Variants in TRMT11 observed in about 807,000 individuals in gnomAD.
The protein encoded by TRMT11 is tRNA methyltransferase 11, also known as tRNA (guanine(10)-N(2))-methyltransferase TRMT11.
In TRMT11, 53 loss-of-function variants were observed where a neutral mutation model predicts 62.8. The observed-to-expected ratio is 0.84, with a 90% CI of 0.68 to 1.06. The LOEUF (loss-of-function observed/expected upper bound fraction) is 1.06. Ranked by LOEUF, TRMT11 falls within the 50% of genes least tolerant of loss-of-function variation. TRMT11 has a pLI of 0.00. For synonymous variants in TRMT11, 188 were observed against 190.3 expected, an observed-to-expected ratio of 0.99 and a Z score of 0.10; for missense variants, 556 against 553.4, an observed-to-expected ratio of 1.00 and a Z score of -0.05.
chr6:126,164,278 AC>A (rs1778233102), intron 21 of TRMT11, among the ~76,000 whole-genome samples: 1 of 152,014 alleles, frequency 6.6e-6, no homozygotes, highest in Admixed American at 6.5e-5. Context: ...ATGTAGTTGC[AC>A]CTGTGTTGAG....
chr6:126,046,396 C>T (rs566636361), intron 16 of TRMT11, among the ~76,000 whole-genome samples: 1 of 152,126 alleles, frequency 6.6e-6, no homozygotes, highest in Non-Finnish European at 1.5e-5. Context: ...ATTGGAATTT[C>T]ATTTATTTGA....
intron 17 of TRMT11, among the ~76,000 whole-genome samples, chr6:126,057,095 G>A (rs899619215): frequency 6.6e-6 from 1 of 152,158 alleles, no homozygotes; most frequent in African/African-American, 2.4e-5. Flanking sequence ...ATTTGCAGAG[G>A]CCCAGTAAAT....
At chr6:126,031,695 A>G (rs1774229836) in intron 12 of TRMT11, among the ~76,000 whole-genome samples, 1 of 152,176 alleles carries the variant, frequency 6.6e-6, no homozygotes, top group Non-Finnish European at 1.5e-5. Context: ...GACCTGGAAG[A>G]CTAAAGAGAG....
intron 17 of TRMT11, among the ~76,000 whole-genome samples, chr6:126,067,158 C>T (rs1776717018): frequency 6.6e-6 from 1 of 151,134 alleles, no homozygotes; most frequent in Admixed American, 6.6e-5. Flanking sequence ...CGAGACTGTG[C>T]CATTGCACTC....
At chr6:125,994,035 G>C (rs1303771967) in intron 2 of TRMT11, among the ~76,000 whole-genome samples, 1 of 152,112 alleles carries the variant, frequency 6.6e-6, no homozygotes, top group African/African-American at 2.4e-5. Context: ...TACATTTTTA[G>C]TCAACAGTTG....
chr6:126,256,316 G>T, the TRMT11 span, among the ~76,000 whole-genome samples: 3 of 152,184 alleles, frequency 2.0e-5, no homozygotes, highest in African/African-American at 4.8e-5. Context: ...AATATGGGAA[G>T]GGAATACACA....
chr6:126,168,191 C>G (rs1241971903), intron 21 of TRMT11, among the ~76,000 whole-genome samples: 1 of 152,192 alleles, frequency 6.6e-6, no homozygotes, highest in Admixed American at 6.5e-5. Context: ...AACTCCTTCT[C>G]TTACACCGGC....
At chr6:126,093,368 C>T (rs1014095764) in intron 17 of TRMT11, among the ~76,000 whole-genome samples, 3 of 151,286 alleles carry the variant, frequency 2.0e-5, no homozygotes, top group Non-Finnish European at 2.9e-5. Flanking sequence ...TCATACTCTC[C>T]GGTTTCTACG....
intron 21 of TRMT11, among the ~76,000 whole-genome samples, chr6:126,170,069 A>G (rs1401958222): frequency 6.6e-6 from 1 of 151,476 alleles, no homozygotes; most frequent in Non-Finnish European, 1.5e-5. Context: ...TTTTCCTTTT[A>G]TTTTAGAACC....
chr6:125,994,032 T>G (rs1791048673), intron 2 of TRMT11, among the ~76,000 whole-genome samples: 1 of 152,234 alleles, frequency 6.6e-6, no homozygotes, highest in Non-Finnish European at 1.5e-5. Flanking sequence ...TTTTACATTT[T>G]TAGTCAACAG....
At chr6:126,185,627 T>C (rs1221965560) in intron 1 of TRMT11, among the ~76,000 whole-genome samples, 1 of 152,192 alleles carries the variant, frequency 6.6e-6, no homozygotes, top group Non-Finnish European at 1.5e-5. Flanking sequence ...GCTGATAAAA[T>C]AAATGAGACC....
intron 17 of TRMT11, among the ~76,000 whole-genome samples, chr6:126,096,802 T>C (rs1777346494): frequency 6.6e-6 from 1 of 152,200 alleles, no homozygotes; most frequent in Non-Finnish European, 1.5e-5. Flanking sequence ...CAGGAATCTG[T>C]CTCTTGCTAA....
chr6:126,082,567 T>G (rs1007987317), intron 17 of TRMT11, among the ~76,000 whole-genome samples: 2 of 152,120 alleles, frequency 1.3e-5, no homozygotes, highest in East Asian at 1.9e-4. Context: ...ATATCCTCTA[T>G]GCTCTAAAAT....
chr6:126,061,207 A>G (rs556280734), intron 17 of TRMT11, among the ~76,000 whole-genome samples: 1 of 152,344 alleles, frequency 6.6e-6, no homozygotes, highest in South Asian at 2.1e-4. Context: ...CAGGCCCCAC[A>G]TCAGACCTAC....
chr6:126,006,510 A>G (rs1026377670), intron 7 of TRMT11, among the ~76,000 whole-genome samples: 1 of 152,022 alleles, frequency 6.6e-6, no homozygotes, highest in African/African-American at 2.4e-5. Flanking sequence ...AGTTGCTAGC[A>G]TAGATCACAT....
chr6:126,204,394 G>T (rs9482730), downstream of TRMT11, among the ~76,000 whole-genome samples: 1 of 152,110 alleles, frequency 6.6e-6, no homozygotes. Flanking sequence ...ATTCTCTGCC[G>T]TTAGGCTATG....
At chr6:126,172,628 A>C (rs1778342922), upstream of TRMT11, among the ~76,000 whole-genome samples, 1 of 152,136 alleles carries the variant, frequency 6.6e-6, no homozygotes, top group Non-Finnish European at 1.5e-5. Flanking sequence ...CACTTTCAAT[A>C]CTGTTAGCGT....
chr6:126,151,855 T>TTTCTTTCTTTCTTTCTTTCC (rs1778053147), intron 21 of TRMT11, among the ~76,000 whole-genome samples: 2 of 139,814 alleles, frequency 1.4e-5, no homozygotes, highest in Admixed American at 7.2e-5. Flanking sequence ...TCTTTCTTTC[T>TTTCTTTCTTTCTTTCTTTCC]TTCTTTCTTT....
the TRMT11 span, among the ~76,000 whole-genome samples, chr6:126,209,341 T>C: frequency 2.6e-5 from 4 of 152,172 alleles, no homozygotes; most frequent in African/African-American, 9.7e-5. Flanking sequence ...TACAGAGTTA[T>C]GAGTCTAAAC....
Sources: allele counts gnomAD v4.1 joint callset (sites outside exome capture counted in the v4.1 genomes callset), GRCh38; gene constraint gnomAD v4.1.1; transcripts MANE v1.5; gene names NCBI Gene and HGNC (gene_info 2026-07-23, HGNC 2026-07-21).